The following MAP4K5 variants were observed in gnomAD, a reference collection of about 807,000 sequenced individuals.
The protein encoded by MAP4K5 is MAPK/ERK kinase kinase kinase 5.
A neutral mutation model predicts 135.6 loss-of-function variants in MAP4K5; 82 were observed. That is an observed-to-expected ratio of 0.60 (90% CI 0.51 to 0.73). MAP4K5 has a LOEUF of 0.73. MAP4K5 is among the 30% of genes least tolerant of loss of function. MAP4K5 has a pLI of 0.00. For missense variants in MAP4K5, 907 were observed against 1,010.9 expected, an observed-to-expected ratio of 0.90 and a Z score of 1.39; for synonymous variants, 347 against 335.0, an observed-to-expected ratio of 1.04 and a Z score of -0.39.
intron 2 of MAP4K5, among the ~76,000 whole-genome samples, chr14:50,528,025 A>C (rs1197587899): frequency 6.6e-6 from 1 of 152,136 alleles, no homozygotes; most frequent in Non-Finnish European, 1.5e-5. Flanking sequence ...TTGAGAATCT[A>C]AATCTCCAGA....
At chr14:50,550,808 A>G (rs1004319097) in intron 1 of MAP4K5, among the ~76,000 whole-genome samples, 1 of 152,254 alleles carries the variant, frequency 6.6e-6, no homozygotes, top group Non-Finnish European at 1.5e-5. Flanking sequence ...TCTTTGGGTT[A>G]ACAATGAAAT....
rs35420627 is a variant in MAP4K5, at chr14:50,544,936, CAAAAAAAA to C, written c.-179-2360_-179-2353del. On this transcript the variant is annotated intron_variant, in intron 1 of 8. Coordinates refer to the MAP4K5 transcript ENST00000555216. The stretch of plus-strand genomic sequence containing the variant: ...TGAGTGACAGAGTGAGACCCACTCT[CAAAAAAAA>C]AAAAAAAAAAAAAAAAAAGAAGCCA... 7.1e-3 allele frequency among the ~76,000 whole-genome samples: 417 copies of C among 58,478 alleles called. 1 individual carries two copies. The highest frequency in any genetic ancestry group is 0.016 in the South Asian group (18 of 1,110). 38.4% of individuals were successfully genotyped at this position (58,478 alleles called of 152,430 possible). A position where few individuals can be genotyped will look rare whatever the true frequency, so the allele number is the denominator to read the frequency against.
intron 26 of MAP4K5, among the ~76,000 whole-genome samples, chr14:50,437,182 T>C (rs1005014663): frequency 3.9e-5 from 6 of 152,160 alleles, no homozygotes; most frequent in African/African-American, 1.2e-4. Context: ...AACTGGTAGA[T>C]GGCAAATATT....
chr14:50,420,061 G>A lies in MAP4K5; in HGVS notation c.2499C>T (p.His833=), dbSNP rs2035689816. 1.2e-6 allele frequency: 2 copies of A among 1,611,036 alleles called. No individual in the cohort carries two copies. The highest frequency in any genetic ancestry group is 1.7e-6 in the Non-Finnish European group (2 of 1,178,488). The change falls in exon 33 of 33, where the codon CAC becomes CAT. Residue 833 remains histidine, a synonymous_variant. Coordinates refer to ENST00000682126, the MANE Select transcript of MAP4K5 (RefSeq NM_006575.6). ...ESRPTENPTA[H]SNLYILAGHE... ...GTCCAGCCAAGATGTAGAGATTGCT[G>A]TGTGCAGTAGGATTTTCTGTTGGCC...
intron 2 of MAP4K5, among the ~76,000 whole-genome samples, chr14:50,517,023 C>A (rs2038047347): frequency 6.6e-6 from 1 of 152,012 alleles, no homozygotes; most frequent in South Asian, 2.1e-4. Context: ...TCCCACCAGT[C>A]TAGTTATTAT....
intron 9 of MAP4K5, among the ~76,000 whole-genome samples, chr14:50,473,091 ATTTTTC>A (rs1395127243): frequency 1.3e-5 from 2 of 152,100 alleles, no homozygotes; most frequent in Admixed American, 1.3e-4. Context: ...TCAGTTAATA[ATTTTTC>A]TTTATATGTC....
rs8015660 is a variant in MAP4K5 at position 50,476,165 on chromosome 14, A to G, written c.432T>C (p.Ala144=). ...CGCCATGGTCTGTCAATAAAATATT[A>G]GCACCCTAGAACAAAAATACAAATA... The part of the protein sequence containing the change: ...KGKMHRDIKG[A]NILLTDHGDV... Residue 144 remains alanine, a synonymous_variant, in exon 8 of 33, where the codon GCT becomes GCC. Transcript: ENST00000682126. 4,165 of 1,509,348 alleles carry G rather than the reference A, an allele frequency of 2.8e-3. 90 individuals are homozygous for G. In the African/African-American group the frequency reaches 0.051, roughly 19 times the overall value. The allele number at this position is 1,509,348 out of a possible 1,614,324, so 93.5% of individuals were successfully genotyped here. A position where few individuals can be genotyped will look rare whatever the true frequency, so the allele number is the denominator to read the frequency against.
At position 50,422,594 on chromosome 14, in the gene MAP4K5, A is replaced by T. The variant is rs548472571; in HGVS notation, c.2453+527T>A. ...CCGTCTTAAAAAAAAAAAGAAAAAA[A>T]GAAGTAGGCAGTAGATTTTGGAAAT... On this transcript the variant is annotated intron_variant, in intron 32 of 32. Transcript: ENST00000682126. 3.9e-5 allele frequency among the ~76,000 whole-genome samples: 6 copies of T among 152,272 alleles called. No individual in the cohort carries two copies. In the East Asian group the frequency reaches 1.2e-3, roughly 29 times the overall value.
rs376288078 is a variant in MAP4K5, at chr14:50,544,361, C to T, written c.-179-1777G>A. On this transcript the variant is annotated intron_variant, in intron 1 of 8. Transcript: ENST00000555216. ...GTTGACCTCTTCCAAGTGGCTATGT[C>T]CATCAGGGGAGACTGAGACACTCCC... Among the ~76,000 whole-genome samples the T allele has an allele frequency of 3.3e-5, 5 of 152,284 alleles. No individual in the cohort carries two copies. In the East Asian group the frequency reaches 7.7e-4, roughly 23 times the overall value.
intron 3 of MAP4K5, among the ~76,000 whole-genome samples, chr14:50,499,326 T>C (rs545915704): frequency 2.6e-5 from 4 of 152,034 alleles, no homozygotes; most frequent in Admixed American, 2.6e-4. Context: ...AATACTTATA[T>C]AGAACTAATA....
Position 50,442,824 on chromosome 14 carries a change from A to T in MAP4K5, c.1480-8T>A, listed in dbSNP as rs367632236. The T allele has an allele frequency of 1.3e-6, 2 of 1,506,728 alleles. No individual in the cohort carries two copies. The highest frequency in any genetic ancestry group is 2.8e-5 in the African/African-American group (2 of 71,360). 93.3% of individuals were successfully genotyped at this position (1,506,728 alleles called of 1,614,324 possible). A position where few individuals can be genotyped will look rare whatever the true frequency, so the allele number is the denominator to read the frequency against. On this transcript the variant is annotated splice_region_variant and splice_polypyrimidine_tract_variant and intron_variant, in intron 20 of 32. Coordinates refer to ENST00000682126, the MANE Select transcript of MAP4K5 (RefSeq NM_006575.6). ...TGAAAAGCATGCTCCCATCTTATTT[A>T]TAAAGAAAGAAATGTTAACTTATTT...
At position 50,553,651 on chromosome 14, in the gene MAP4K5, C is replaced by G. The variant is rs141696025; in HGVS notation, c.-180+7389G>C. On this transcript the variant is annotated intron_variant, in intron 1 of 8. Transcript: ENST00000555216. ...ATTATGTGAAAAAGATGAATGCACA[C>G]GCATGTTTGTAGCAGCACAATTCAC... Among the ~76,000 whole-genome samples, 625 of 152,256 alleles carry G rather than the reference C, an allele frequency of 4.1e-3. 3 individuals carry two copies. Among genetic ancestry groups the G allele is most frequent in the African/African-American group, 0.014 (578 of 41,540 alleles).
chr14:50,495,156 T>C (rs1198562690), intron 3 of MAP4K5, among the ~76,000 whole-genome samples: 1 of 151,938 alleles, frequency 6.6e-6, no homozygotes, highest in African/African-American at 2.4e-5. Context: ...CAGGAGAAAA[T>C]ATTTTCAAAT....
intron 16 of MAP4K5, 96 bp downstream of exon 16, chr14:50,447,318 G>T: frequency 1.4e-6 from 1 of 724,522 alleles, no homozygotes; most frequent in South Asian, 2.4e-5. Flanking sequence ...ACTTTTTCAA[G>T]AATGCAAATT....
intron 14 of MAP4K5, among the ~76,000 whole-genome samples, chr14:50,455,313 C>A (rs1353076864): frequency 2.6e-5 from 4 of 151,824 alleles, no homozygotes; most frequent in Non-Finnish European, 5.9e-5. Context: ...AAATATGACA[C>A]AAAACCCAAA....
chr14:50,495,777 A>T (rs912673026), intron 3 of MAP4K5, among the ~76,000 whole-genome samples: 10 of 152,342 alleles, frequency 6.6e-5, no homozygotes, highest in African/African-American at 2.4e-4. Flanking sequence ...GAACCTTGAG[A>T]ACATTATGCT....
chr14:50,441,214 T>C (rs916325625), intron 21 of MAP4K5, among the ~76,000 whole-genome samples: 1 of 152,122 alleles, frequency 6.6e-6, no homozygotes, highest in Non-Finnish European at 1.5e-5. Context: ...TGAATGGCAA[T>C]AGTATAATTA....
At chr14:50,465,864 T>C (rs1474845668) in intron 11 of MAP4K5, among the ~76,000 whole-genome samples, 2 of 151,600 alleles carry the variant, frequency 1.3e-5, no homozygotes, top group South Asian at 2.1e-4. Flanking sequence ...GATTACGGGG[T>C]CAAGAGAATG....
chr14:50,477,679 A>G (rs1363926818), intron 6 of MAP4K5, among the ~76,000 whole-genome samples: 1 of 151,820 alleles, frequency 6.6e-6, no homozygotes, highest in Non-Finnish European at 1.5e-5. Context: ...ACTTTTTTTT[A>G]TCAGGAATGA....
Sources: gnomAD v4.1 joint callset for allele counts (sites outside exome capture counted in the v4.1 genomes callset) on GRCh38, gnomAD v4.1.1 for gene constraint, MANE v1.5 for transcripts, NCBI Gene and HGNC (gene_info 2026-07-23, HGNC 2026-07-21) for gene names.